Variants in KLHL32 observed in about 807,000 individuals in gnomAD.
The protein encoded by KLHL32 is kelch-like protein 32.
Under a neutral mutation model 64.8 loss-of-function variants are expected in KLHL32, and 35 were observed. The observed-to-expected ratio is 0.54, with a 90% CI of 0.41 to 0.72. KLHL32 has a LOEUF of 0.72. Among genes scored for constraint, KLHL32 ranks in the 30% least tolerant of loss-of-function variants. The pLI is 0.00. For missense variants in KLHL32, 589 were observed against 768.5 expected (o/e 0.77, Z 2.76); for synonymous variants, 259 against 281.0 (o/e 0.92, Z 0.78).
chr6:96,920,436 A>C (rs149812424), upstream of KLHL32, among the ~76,000 whole-genome samples: 492 of 152,284 alleles, frequency 3.2e-3, 2 homozygotes, highest in African/African-American at 0.011. Flanking sequence ...CCCAGGTTAG[A>C]GAGTGACACA....
At chr6:96,972,880 G>A (rs1775264649) in intron 2 of KLHL32, among the ~76,000 whole-genome samples, 1 of 152,168 alleles carries the variant, frequency 6.6e-6, no homozygotes, top group African/African-American at 2.4e-5. Context: ...TATTGACTTG[G>A]TGAAGTGGGC....
In KLHL32 at chr6:97,019,484, G is replaced by A. The variant is rs183149438; in HGVS notation, c.205-22008G>A. On this transcript the variant is annotated intron_variant, in intron 3 of 10. Transcript: ENST00000369261. ...TTCTTGCAAAGATTAGTCACTGGAT[G>A]TGGGCCACCCCGGTAAGGTGTGGGA... 9.5e-4 allele frequency among the ~76,000 whole-genome samples: 144 copies of A among 152,328 alleles called. 2 individuals are homozygous for A. The highest frequency in any genetic ancestry group is 3.3e-3 in the African/African-American group (137 of 41,582).
intron 1 of KLHL32, among the ~76,000 whole-genome samples, chr6:96,932,162 T>C (rs966290426): frequency 6.6e-6 from 1 of 151,968 alleles, no homozygotes; most frequent in African/African-American, 2.4e-5. Context: ...TTCACTAGTC[T>C]TTCCTAGCCT....
intron 6 of KLHL32, among the ~76,000 whole-genome samples, chr6:97,103,265 G>C (rs576989369): frequency 2.0e-4 from 29 of 147,608 alleles, no homozygotes; most frequent in African/African-American, 7.3e-4. Flanking sequence ...CCAGGCTGGA[G>C]TGCAGTGGTG....
At chr6:96,986,168 T>C (rs991044869) in intron 3 of KLHL32, among the ~76,000 whole-genome samples, 48 of 152,174 alleles carry the variant, frequency 3.2e-4, no homozygotes, top group African/African-American at 9.7e-4. Flanking sequence ...GTATCACCAG[T>C]GGAGGCTGCA....
chr6:96,975,296 A>G (rs917981960), intron 2 of KLHL32, among the ~76,000 whole-genome samples: 2 of 152,254 alleles, frequency 1.3e-5, no homozygotes, highest in African/African-American at 4.8e-5. Flanking sequence ...ATCCAGTATA[A>G]TGATCACACA....
Position 96,956,747 on chromosome 6 carries a change from A to G in KLHL32, c.-65-10249A>G, listed in dbSNP as rs180697684. On this transcript the variant is annotated intron_variant, in intron 1 of 10. Coordinates refer to ENST00000369261, the MANE Select transcript of KLHL32 (RefSeq NM_052904.4). ...GAAAAAAGCTCATTTAATTCTTATAATGTTCGATTGTTGTAAGAATTAAGT... is the reference window on the plus strand; with the variant it reads ...GAAAAAAGCTCATTTAATTCTTATAGTGTTCGATTGTTGTAAGAATTAAGT... Among the ~76,000 whole-genome samples, 99 of 152,296 alleles carry G rather than the reference A, an allele frequency of 6.5e-4. 1 individual carries two copies. Among genetic ancestry groups the G allele is most frequent in the Admixed American group, 2.4e-3 (37 of 15,298 alleles).
At chr6:96,916,047 C>T in the KLHL32 span, among the ~76,000 whole-genome samples, 1 of 152,284 alleles carries the variant, frequency 6.6e-6, no homozygotes, top group South Asian at 2.1e-4. Flanking sequence ...ACAGATTGGG[C>T]AGCCTCCAGA....
chr6:97,100,672 C>T (rs748115602), intron 6 of KLHL32, among the ~76,000 whole-genome samples: 7 of 152,112 alleles, frequency 4.6e-5, no homozygotes, highest in Non-Finnish European at 8.8e-5. Flanking sequence ...CTGACTGTCC[C>T]TATGTCAGTG....
At chr6:97,091,058 C>G (rs903195747) in intron 6 of KLHL32, among the ~76,000 whole-genome samples, 2 of 152,124 alleles carry the variant, frequency 1.3e-5, no homozygotes, top group African/African-American at 4.8e-5. Context: ...ACCCCTGTCT[C>G]TACGAAAATA....
At chr6:97,087,558 G>T (rs1206979967) in intron 6 of KLHL32, among the ~76,000 whole-genome samples, 4 of 152,194 alleles carry the variant, frequency 2.6e-5, no homozygotes, top group Non-Finnish European at 5.9e-5. Context: ...TAAAGAAGAA[G>T]TGTGAAGCAA....
intron 3 of KLHL32, among the ~76,000 whole-genome samples, chr6:96,995,670 T>C (rs559443001): frequency 3.8e-4 from 58 of 152,186 alleles, no homozygotes; most frequent in Non-Finnish European, 6.8e-4. Flanking sequence ...TAGTGACCAT[T>C]CTTTCCACCT....
At chr6:97,074,771 A>G (rs1791330376) in intron 5 of KLHL32, among the ~76,000 whole-genome samples, 1 of 151,820 alleles carries the variant, frequency 6.6e-6, no homozygotes, top group Non-Finnish European at 1.5e-5. Context: ...AACATTTTTA[A>G]ACTGATTTTG....
intron 3 of KLHL32, among the ~76,000 whole-genome samples, chr6:97,028,691 T>C (rs1382490857): frequency 6.6e-6 from 1 of 152,202 alleles, no homozygotes; most frequent in Non-Finnish European, 1.5e-5. Flanking sequence ...CCTTAGAAGT[T>C]TGTGAAGAGC....
chr6:96,931,841 C>T (rs1769925150), intron 1 of KLHL32, among the ~76,000 whole-genome samples: 2 of 152,184 alleles, frequency 1.3e-5, no homozygotes, highest in South Asian at 4.2e-4. Flanking sequence ...CTTTTGTCTG[C>T]ATCACATTCA....
intron 3 of KLHL32, chr6:96,999,571 A>G (rs1380537398): frequency 1.0e-6 from 1 of 959,676 alleles, no homozygotes; most frequent in East Asian, 1.2e-4. Flanking sequence ...TATTAGGACC[A>G]TTTTTTCCCT....
At chr6:96,924,520 T>C (rs1209285), upstream of KLHL32, 99,468 of 138,370 alleles carry the variant, frequency 0.72, 35,514 homozygotes, top group South Asian at 0.78. Flanking sequence ...CGGCGGGCGG[T>C]GGCGTTGCGC....
the KLHL32 span, among the ~76,000 whole-genome samples, chr6:96,912,005 T>C: frequency 6.6e-6 from 1 of 151,924 alleles, no homozygotes; most frequent in Admixed American, 6.6e-5. Flanking sequence ...TTCCCAAATC[T>C]ATCACTCCAG....
At chr6:96,992,709 T>TC (rs1362807115) in intron 3 of KLHL32, among the ~76,000 whole-genome samples, 5 of 152,216 alleles carry the variant, frequency 3.3e-5, no homozygotes, top group African/African-American at 9.6e-5. Flanking sequence ...CCCCTCATAC[T>TC]CTAATAGGTT....
Sources: allele counts gnomAD v4.1 joint callset (sites outside exome capture counted in the v4.1 genomes callset), GRCh38; gene constraint gnomAD v4.1.1; transcripts MANE v1.5; gene names NCBI Gene and HGNC (gene_info 2026-07-23, HGNC 2026-07-21).